Variants in MCTP1 observed in about 807,000 individuals in gnomAD.
MCTP1 encodes multiple C2 and transmembrane domain containing 1, also known as multiple C2 and transmembrane domain-containing protein 1.
In MCTP1, 69 loss-of-function variants were observed where a neutral mutation model predicts 120.6. The ratio of observed to expected loss-of-function variants is 0.57; its 90% CI spans 0.47 to 0.70. The LOEUF (loss-of-function observed/expected upper bound fraction) is 0.70, where lower values mean the gene tolerates loss of function less well. Among genes scored for constraint, MCTP1 ranks in the 30% least tolerant of loss-of-function variants. MCTP1 has a pLI of 0.00. For synonymous variants in MCTP1, 529 were observed against 493.1 expected (o/e 1.07, Z -0.96); for missense variants, 1,203 against 1,248.8 (o/e 0.96, Z 0.55).
At chr5:95,240,412 A>G (rs1756033158) in intron 1 of MCTP1, among the ~76,000 whole-genome samples, 1 of 152,214 alleles carries the variant, frequency 6.6e-6, no homozygotes, top group African/African-American at 2.4e-5. Flanking sequence ...TGGCAGAAAC[A>G]AAGTGAAGGT....
At chr5:94,800,599 G>A (rs1781022418) in intron 17 of MCTP1, among the ~76,000 whole-genome samples, 1 of 152,156 alleles carries the variant, frequency 6.6e-6, no homozygotes, top group Non-Finnish European at 1.5e-5. Flanking sequence ...CTCTGCCTTA[G>A]TGTTCTCATA....
chr5:95,220,813 C>A (rs1438857347), intron 1 of MCTP1, among the ~76,000 whole-genome samples: 6 of 152,162 alleles, frequency 3.9e-5, no homozygotes, highest in Non-Finnish European at 8.8e-5. Flanking sequence ...TACAGTAACT[C>A]CTACAAATAT....
chr5:94,909,332 TGA>T lies in MCTP1; in HGVS notation c.1569_1570del (p.Phe523LeufsTer4), dbSNP rs1491363343. 1 of 1,609,118 alleles carries T rather than the reference TGA, an allele frequency of 6.2e-7. No homozygotes were observed. The highest frequency in any genetic ancestry group is 1.7e-5 in the Admixed American group (1 of 59,184). ...GACTCCTCCTCTTTCTTCATAAAGGTGAAAATCAAATTGTTCCCTCCACTGAG... is the reference window on the plus strand; with the variant it reads ...GACTCCTCCTCTTTCTTCATAAAGGTAAATCAAATTGTTCCCTCCACTGAG... On this transcript the variant is annotated frameshift_variant, in exon 10 of 23. Coordinates refer to ENST00000515393, the MANE Select transcript of MCTP1 (RefSeq NM_024717.7). LOFTEE classifies it high-confidence loss of function.
intron 18 of MCTP1, among the ~76,000 whole-genome samples, chr5:94,782,450 G>A (rs1386465530): frequency 6.6e-6 from 1 of 152,138 alleles, no homozygotes; most frequent in Non-Finnish European, 1.5e-5. Context: ...GAGGACAAGA[G>A]TGTCTCAGAA....
At chr5:95,066,196 C>G (rs1467693663) in intron 1 of MCTP1, among the ~76,000 whole-genome samples, 1 of 152,044 alleles carries the variant, frequency 6.6e-6, no homozygotes, top group Non-Finnish European at 1.5e-5. Flanking sequence ...TGACAAAGAC[C>G]TGAATAGATC....
intron 17 of MCTP1, among the ~76,000 whole-genome samples, chr5:94,803,039 T>C (rs1234921813): frequency 1.3e-5 from 2 of 152,166 alleles, no homozygotes; most frequent in Non-Finnish European, 2.9e-5. Context: ...ATCTCTCCTT[T>C]TAATAAGGAA....
intron 2 of MCTP1, among the ~76,000 whole-genome samples, chr5:94,964,447 C>T (rs543034095): frequency 6.6e-6 from 1 of 152,236 alleles, no homozygotes; most frequent in East Asian, 1.9e-4. Context: ...GAGAGTAGGG[C>T]ATTGAAGTCC....
intron 1 of MCTP1, among the ~76,000 whole-genome samples, chr5:95,033,322 CTG>C (rs750260337): frequency 5.7e-4 from 86 of 152,032 alleles, no homozygotes; most frequent in Non-Finnish European, 4.0e-4. Flanking sequence ...GACACAAAAA[CTG>C]TCAACAAAAT....
At chr5:95,233,791 G>A (rs555616466) in intron 1 of MCTP1, among the ~76,000 whole-genome samples, 6 of 152,082 alleles carry the variant, frequency 3.9e-5, no homozygotes, top group Non-Finnish European at 7.4e-5. Context: ...TAATAGAAAA[G>A]CAAAAGGTTC....
At chr5:94,983,671 CTAT>C (rs1561969120) in intron 2 of MCTP1, among the ~76,000 whole-genome samples, 1 of 8,160 alleles carries the variant, frequency 1.2e-4, no homozygotes, top group Non-Finnish European at 2.9e-4. Context: ...GTCTGTCAAT[CTAT>C]CTATCTATCT....
At chr5:95,253,504 G>A (rs1397059226) in intron 1 of MCTP1, among the ~76,000 whole-genome samples, 1 of 151,996 alleles carries the variant, frequency 6.6e-6, no homozygotes, top group Non-Finnish European at 1.5e-5. Flanking sequence ...AGTACACACA[G>A]CTATATTATG....
chr5:95,180,748 A>C (rs923722652), intron 1 of MCTP1, among the ~76,000 whole-genome samples: 6 of 152,304 alleles, frequency 3.9e-5, no homozygotes, highest in Non-Finnish European at 5.9e-5. Context: ...TGAGCTCTAG[A>C]ATAGGTGATA....
chr5:95,283,231 G>A (rs1040697556), intron 1 of MCTP1, among the ~76,000 whole-genome samples: 1 of 152,190 alleles, frequency 6.6e-6, no homozygotes, highest in Admixed American at 6.5e-5. Context: ...AGTGCTTCAG[G>A]TGACTATTAA....
chr5:95,259,797 C>T (rs547218210), intron 1 of MCTP1, among the ~76,000 whole-genome samples: 1 of 152,168 alleles, frequency 6.6e-6, no homozygotes, highest in Admixed American at 6.5e-5. Context: ...GCCACCGGTA[C>T]AATCCTGCTT....
chr5:94,775,226 G>C (rs577132225), intron 19 of MCTP1, among the ~76,000 whole-genome samples: 167 of 152,134 alleles, frequency 1.1e-3, no homozygotes, highest in Non-Finnish European at 1.1e-3. Flanking sequence ...AGAATGCCAC[G>C]CATTTGAATC....
chr5:95,009,464 A>G (rs1345994801), intron 2 of MCTP1, among the ~76,000 whole-genome samples: 2 of 152,160 alleles, frequency 1.3e-5, no homozygotes, highest in African/African-American at 4.8e-5. Flanking sequence ...GTAACTGTAC[A>G]TCACAATTTC....
chr5:95,186,669 G>A lies in MCTP1; in HGVS notation c.720+97187C>T, dbSNP rs180976850. Reference sequence around the variant, plus strand: ...ACATAGAGAAAATTTATATGGAAATGCATAGCCCTATAATAGCTAAAAGAA... The same window carrying A: ...ACATAGAGAAAATTTATATGGAAATACATAGCCCTATAATAGCTAAAAGAA... On this transcript the variant is annotated intron_variant, in intron 1 of 22. Transcript: ENST00000515393. Among the ~76,000 whole-genome samples, 107 of 152,260 alleles carry A rather than the reference G, an allele frequency of 7.0e-4. 1 individual carries two copies. Among genetic ancestry groups the A allele is most frequent in the African/African-American group, 2.4e-3 (98 of 41,554 alleles).
At chr5:94,921,526 A>G (rs1162347202) in intron 7 of MCTP1, among the ~76,000 whole-genome samples, 1 of 152,196 alleles carries the variant, frequency 6.6e-6, no homozygotes, top group Admixed American at 6.5e-5. Flanking sequence ...CTCTTCATGA[A>G]AGATTTTATC....
At chr5:95,118,387 C>A (rs564122309) in intron 1 of MCTP1, among the ~76,000 whole-genome samples, 55 of 151,582 alleles carry the variant, frequency 3.6e-4, no homozygotes, top group African/African-American at 1.2e-3. Context: ...AAACATACAA[C>A]GGATACACAA....
Sources: gnomAD v4.1 joint callset for allele counts (sites outside exome capture counted in the v4.1 genomes callset) on GRCh38, gnomAD v4.1.1 for gene constraint, MANE v1.5 for transcripts, NCBI Gene and HGNC (gene_info 2026-07-23, HGNC 2026-07-21) for gene names.